The following ZNF143 variants were observed in gnomAD, a reference collection of about 807,000 sequenced individuals.
The protein encoded by ZNF143 is zinc finger protein 143, also known as SPH-binding factor.
Under a neutral mutation model 74.1 loss-of-function variants are expected in ZNF143, and 49 were observed. That is an observed-to-expected ratio of 0.66 (90% CI 0.53 to 0.84). The LOEUF is 0.84. Ranked by LOEUF, ZNF143 falls within the 40% of genes least tolerant of loss-of-function variation. The pLI is 0.00. For synonymous variants in ZNF143, 304 were observed against 282.8 expected (o/e 1.07, Z -0.75); for missense variants, 637 against 793.4 (o/e 0.80, Z 2.37).
chr11:9,525,121 A>G (rs1231006644), intron 14 of ZNF143, 119 bp from the exon 15 acceptor site: 7 of 1,160,086 alleles, frequency 6.0e-6, no homozygotes, highest in African/African-American at 3.1e-5. Flanking sequence ...TGACAAGTCT[A>G]TGGTCAGAGG....
intron 12 of ZNF143, among the ~76,000 whole-genome samples, chr11:9,510,977 G>A (rs1253236554): frequency 6.6e-6 from 1 of 151,864 alleles, no homozygotes; most frequent in Non-Finnish European, 1.5e-5. Flanking sequence ...GTGTACTGAT[G>A]GTTTGCAATC....
At chr11:9,476,665 C>T (rs1262430182) in intron 5 of ZNF143, among the ~76,000 whole-genome samples, 1 of 151,032 alleles carries the variant, frequency 6.6e-6, no homozygotes, top group African/African-American at 2.4e-5. Flanking sequence ...AGCCACTGCA[C>T]CCAGCTAGAG....
intron 7 of ZNF143, among the ~76,000 whole-genome samples, chr11:9,480,594 A>G (rs2133929535): frequency 6.6e-6 from 1 of 152,302 alleles, no homozygotes; most frequent in South Asian, 2.1e-4. Flanking sequence ...ACTTGTAGAA[A>G]TATGGTTCTG....
chr11:9,486,388 AT>A (rs1565038852), intron 7 of ZNF143, among the ~76,000 whole-genome samples: 13 of 18,460 alleles, frequency 7.0e-4, no homozygotes, highest in Non-Finnish European at 1.0e-3. Context: ...TATATATATA[AT>A]ATATATAATA....
At chr11:9,483,889 A>G (rs538919324) in intron 7 of ZNF143, among the ~76,000 whole-genome samples, 2 of 150,242 alleles carry the variant, frequency 1.3e-5, no homozygotes, top group East Asian at 3.9e-4. Flanking sequence ...AGCTGGGACT[A>G]CAGGCACATG....
intron 7 of ZNF143, among the ~76,000 whole-genome samples, chr11:9,480,612 G>A (rs561769389): frequency 2.4e-4 from 36 of 152,248 alleles, no homozygotes; most frequent in Non-Finnish European, 3.4e-4. Flanking sequence ...CTGGCCGGGC[G>A]TGGTGGCTCA....
chr11:9,512,327 G>A (rs1848578251), intron 12 of ZNF143, 121 bp from the exon 13 acceptor site: 10 of 1,303,784 alleles, frequency 7.7e-6, no homozygotes, highest in Middle Eastern at 2.9e-4. Flanking sequence ...CCATTTTCGT[G>A]ACTTAGAATA....
intron 8 of ZNF143, among the ~76,000 whole-genome samples, chr11:9,495,841 A>G (rs777285075): frequency 6.6e-6 from 1 of 152,204 alleles, no homozygotes; most frequent in African/African-American, 2.4e-5. Context: ...TATGGTAGAT[A>G]CTATTGTGTC....
At chr11:9,473,527 T>G (rs1856709152) in intron 3 of ZNF143, among the ~76,000 whole-genome samples, 1 of 152,122 alleles carries the variant, frequency 6.6e-6, no homozygotes, top group Admixed American at 6.6e-5. Context: ...CATGCATACA[T>G]AAACAGGGGT....
At chr11:9,522,489 G>A (rs905300732) in intron 14 of ZNF143, among the ~76,000 whole-genome samples, 1 of 152,098 alleles carries the variant, frequency 6.6e-6, no homozygotes, top group African/African-American at 2.4e-5. Context: ...AATCTATTTG[G>A]CTTTTTTGTT....
At chr11:9,499,409 G>A (rs1436759742) in intron 10 of ZNF143, among the ~76,000 whole-genome samples, 1 of 152,192 alleles carries the variant, frequency 6.6e-6, no homozygotes, top group Non-Finnish European at 1.5e-5. Context: ...TCCTTAGGCT[G>A]ACATAATGAA....
At chr11:9,505,986 C>T (rs553856393) in intron 11 of ZNF143, among the ~76,000 whole-genome samples, 1 of 151,516 alleles carries the variant, frequency 6.6e-6, no homozygotes, top group African/African-American at 2.4e-5. Flanking sequence ...ATGGCTGGGG[C>T]TTTTTGGATG....
chr11:9,496,584 G>GTTTTCT (rs138004691), intron 9 of ZNF143, among the ~76,000 whole-genome samples: 33 of 151,334 alleles, frequency 2.2e-4, no homozygotes, highest in Middle Eastern at 6.8e-3. Context: ...TGCCTGCTGT[G>GTTTTCT]TTTTCTTTTT....
intron 14 of ZNF143, among the ~76,000 whole-genome samples, chr11:9,521,149 A>G (rs1848911181): frequency 6.6e-6 from 1 of 152,206 alleles, no homozygotes; most frequent in South Asian, 2.1e-4. Context: ...CGTACACATC[A>G]CAATCACCCA....
rs1277575029 is a variant in ZNF143, at chr11:9,472,604, TA to T, written c.113-72del. ...AGCAGTTTACCTTTTTTCTGATCTT[TA>T]TTTGAAAAAAAAATTAATCAGCATG... On this transcript the variant is annotated intron_variant, in intron 2 of 15. Coordinates refer to ENST00000396602, the MANE Select transcript of ZNF143 (RefSeq NM_003442.6). 7.4e-6 allele frequency: 10 copies of T among 1,356,100 alleles called. No individual in the cohort carries two copies. In the African/African-American group the frequency reaches 1.3e-4, roughly 18 times the overall value. The allele number at this position is 1,356,100 out of a possible 1,614,324, so 84.0% of individuals were successfully genotyped here. A position where few individuals can be genotyped will look rare whatever the true frequency, so the allele number is the denominator to read the frequency against.
At chr11:9,521,607 A>G (rs945782245) in intron 14 of ZNF143, among the ~76,000 whole-genome samples, 2 of 150,150 alleles carry the variant, frequency 1.3e-5, no homozygotes, top group African/African-American at 2.5e-5. Flanking sequence ...GTTTTTTACT[A>G]TGGATTCAAG....
At chr11:9,464,901 C>T (rs555201445) in intron 1 of ZNF143, among the ~76,000 whole-genome samples, 13 of 151,546 alleles carry the variant, frequency 8.6e-5, no homozygotes, top group African/African-American at 2.2e-4. Flanking sequence ...CCAGCCTGGG[C>T]GACAGAGGGA....
At chr11:9,507,194 G>C (rs900031632) in intron 11 of ZNF143, among the ~76,000 whole-genome samples, 1 of 152,042 alleles carries the variant, frequency 6.6e-6, no homozygotes, top group Non-Finnish European at 1.5e-5. Context: ...GAACCACTGC[G>C]AAAGGTGCAG....
At position 9,527,549 on chromosome 11, in the gene ZNF143, T is replaced by C; in HGVS notation, c.1853T>C (p.Leu618Pro). The C allele has an allele frequency of 6.2e-7, 1 of 1,614,168 alleles. No homozygotes were observed. The highest frequency in any genetic ancestry group is 8.5e-7 in the Non-Finnish European group (1 of 1,180,002). ...IAVQLGEQPS[L>P]EEAIRIASRI... is the part of the protein sequence containing the mutation. ...TTTCAGCTTGGAGAACAGCCATCTCTGGAAGAAGCCATCAGAATAGCGTCT... is the reference window on the plus strand; with the variant it reads ...TTTCAGCTTGGAGAACAGCCATCTCCGGAAGAAGCCATCAGAATAGCGTCT... Residue 618 changes from leucine (L) to proline (P), a missense_variant, in exon 16 of 16, where the codon CTG becomes CCG. Leu to Pro is a moderately conservative substitution (Grantham distance 98). This residue lies in a region of ZNF143 where 344 missense variants were observed against 485.6 expected (regional missense o/e 0.71). Transcript: ENST00000396602.
Sources: gnomAD v4.1 joint callset for allele counts (sites outside exome capture counted in the v4.1 genomes callset) on GRCh38, gnomAD v4.1.1 for gene constraint, gnomAD v4.1.1 regional missense constraint, MANE v1.5 for transcripts, NCBI Gene and HGNC (gene_info 2026-07-23, HGNC 2026-07-21) for gene names.